PARP6: variants seen among roughly 807,000 people sequenced by gnomAD.
PARP6 encodes the protein protein mono-ADP-ribosyltransferase PARP6.
In PARP6, 27 loss-of-function variants were observed where a neutral mutation model predicts 92.0. The ratio of observed to expected loss-of-function variants is 0.29; its 90% CI spans 0.22 to 0.40. The LOEUF is 0.40. Among genes scored for constraint, PARP6 ranks in the 10% least tolerant of loss-of-function variants. PARP6 has a pLI of 1.00. For missense variants in PARP6, 501 were observed against 784.5 expected (o/e 0.64, Z 4.32); for synonymous variants, 272 against 281.2 (o/e 0.97, Z 0.33).
At chr15:72,268,259 A>G (rs770483937) in intron 2 of PARP6, among the ~76,000 whole-genome samples, 2 of 152,224 alleles carry the variant, frequency 1.3e-5, no homozygotes, top group Admixed American at 6.5e-5. Context: ...TCCTAAAGCC[A>G]AAAGTGATGG....
rs1242139313 is a variant in PARP6 at position 72,242,581 on chromosome 15, C to T, written c.1641+39G>A. On this transcript the variant is annotated intron_variant, in intron 21 of 23. Transcript: ENST00000569795. The surrounding 1 kb of genome is among the most constrained non-coding windows in gnomAD (Gnocchi z 4.3). ...TCCAGCTCTGGAGCCTAAATTAGCC[C>T]CAGGGAAAGGTCCTGCCTCATTAGA... 7.3e-7 allele frequency: 1 copy of T among 1,375,890 alleles called. No homozygotes were observed. Among genetic ancestry groups the T allele is most frequent in the Non-Finnish European group, 1.0e-6 (1 of 962,658 alleles). 85.2% of individuals were successfully genotyped at this position (1,375,890 alleles called of 1,614,324 possible). A position where few individuals can be genotyped will look rare whatever the true frequency, so the allele number is the denominator to read the frequency against.
rs1291550301 is a variant in PARP6, at chr15:72,241,292, G to C, written c.*163C>G. The C allele has an allele frequency of 1.4e-6, 1 of 700,280 alleles. No homozygotes were observed. Among genetic ancestry groups the C allele is most frequent in the Non-Finnish European group, 2.6e-6 (1 of 382,418 alleles). The allele number at this position is 700,280 out of a possible 1,614,324, so 43.4% of individuals were successfully genotyped here. A position where few individuals can be genotyped will look rare whatever the true frequency, so the allele number is the denominator to read the frequency against. ...GCCATCCGAATGTGGAGTAGTTCTTGGGTCAAGCTCTACCATGAAGGCCAC... is the reference window on the plus strand; with the variant it reads ...GCCATCCGAATGTGGAGTAGTTCTTCGGTCAAGCTCTACCATGAAGGCCAC... On this transcript the variant is annotated 3_prime_UTR_variant, in exon 24 of 24. Coordinates refer to ENST00000569795, the MANE Select transcript of PARP6 (RefSeq NM_001323532.2). This position sits in a 1 kb window ranked among gnomAD's most constrained non-coding sequence, Gnocchi z 4.1.
chr15:72,248,479 T>A lies in PARP6; in HGVS notation c.1561+766A>T, dbSNP rs563438059. 2.0e-5 allele frequency among the ~76,000 whole-genome samples: 3 copies of A among 152,244 alleles called. No individual in the cohort carries two copies. In the South Asian group the frequency reaches 6.2e-4, roughly 32 times the overall value. ...GCCTCAGCCTCCTGATGGCACTACA[T>A]TTTCTGATCTTTGTAACAGTTACAA... On this transcript the variant is annotated intron_variant, in intron 20 of 23. Coordinates refer to ENST00000569795, the MANE Select transcript of PARP6 (RefSeq NM_001323532.2).
chr15:72,255,283 C>T (rs939916226), intron 14 of PARP6, among the ~76,000 whole-genome samples: 12 of 152,242 alleles, frequency 7.9e-5, no homozygotes, highest in East Asian at 1.9e-4. Context: ...GGCAGAGTCT[C>T]GCTCTGTCAC....
chr15:72,241,698 T>G lies in PARP6; in HGVS notation c.1791-141A>C. The G allele has an allele frequency of 1.3e-6, 1 of 772,890 alleles. No homozygotes were observed. The highest frequency in any genetic ancestry group is 2.2e-6 in the Non-Finnish European group (1 of 461,692). 47.9% of individuals were successfully genotyped at this position (772,890 alleles called of 1,614,324 possible). ...CTCACTGCTTCATAGTGGAAGATAT[T>G]CAGCTTATCTGGTTTCCTCTAGATA... On this transcript the variant is annotated intron_variant, in intron 23 of 23. Coordinates refer to ENST00000569795, the MANE Select transcript of PARP6 (RefSeq NM_001323532.2). This position sits in a 1 kb window ranked among gnomAD's most constrained non-coding sequence, Gnocchi z 4.1.
chr15:72,268,387 C>T lies in PARP6; in HGVS notation c.-194-716G>A, dbSNP rs969315227. On this transcript the variant is annotated intron_variant, in intron 2 of 23. Transcript: ENST00000569795. ...GGACTCTTTATTCTTAGTTATTTCT[C>T]CATATTAGCCAGTATCTCTCTTTAA... Among the ~76,000 whole-genome samples, 2 of 152,230 alleles carry T rather than the reference C, an allele frequency of 1.3e-5. 1 individual carries two copies. The highest frequency in any genetic ancestry group is 4.8e-5 in the African/African-American group (2 of 41,456).
intron 16 of PARP6, among the ~76,000 whole-genome samples, chr15:72,252,627 A>G (rs565475007): frequency 7.9e-5 from 12 of 152,180 alleles, no homozygotes; most frequent in Admixed American, 7.9e-4. Context: ...CTGGGACTAC[A>G]GGCATGGGCC....
rs374375152 is a variant in PARP6 at position 72,265,907 on chromosome 15, C to A, written c.166G>T (p.Val56Leu). The A allele has an allele frequency of 4.3e-6, 7 of 1,611,662 alleles. No individual in the cohort carries two copies. In the African/African-American group the frequency reaches 9.3e-5, roughly 22 times the overall value. ...GAAGTAGAGTCCCACCTGATGGATA[C>A]AGAGTTCTCACTGTAGATCTCCTTC... ...AVKEIYSENS[V>L]SIREYGTIDD... The change falls in exon 5 of 24, where the codon GTA becomes TTA. Residue 56 changes from valine to leucine, a missense_variant. Coordinates refer to ENST00000569795, the MANE Select transcript of PARP6 (RefSeq NM_001323532.2).
chr15:72,267,263 T>C (rs773805259), intron 3 of PARP6: 49 of 609,878 alleles, frequency 8.0e-5, no homozygotes, highest in Non-Finnish European at 1.4e-4. Context: ...TCCTTTAAAG[T>C]ACTTAACTCT....
intron 6 of PARP6, 70 bp from the exon 7 acceptor site, chr15:72,265,241 G>T: frequency 8.9e-7 from 1 of 1,126,928 alleles, no homozygotes; most frequent in South Asian, 1.3e-5. Context: ...TCCCCTATAT[G>T]ACACACACAT....
chr15:72,265,548 G>T, intron 5 of PARP6, 75 bp from the exon 6 acceptor site: 1 of 1,159,640 alleles, frequency 8.6e-7, no homozygotes, highest in South Asian at 1.2e-5. Flanking sequence ...GTTGGAAAGA[G>T]AACTGAGCCT....
At chr15:72,249,655 C>G (rs1377565957) in intron 19 of PARP6, among the ~76,000 whole-genome samples, 1 of 152,250 alleles carries the variant, frequency 6.6e-6, no homozygotes, top group East Asian at 1.9e-4. Context: ...GGCCAATACA[C>G]ACTCCCTGGA....
In PARP6 at chr15:72,265,538, G is replaced by A. The variant is rs973147726; in HGVS notation, c.177-65C>T. The stretch of plus-strand genomic sequence containing the variant: ...GGAGAAAGAAGGGAATAGAAACTGA[G>A]TTGGAAAGAGAACTGAGCCTGGGGA... On this transcript the variant is annotated intron_variant, in intron 5 of 23. Coordinates refer to ENST00000569795, the MANE Select transcript of PARP6 (RefSeq NM_001323532.2). 5.5e-6 allele frequency: 7 copies of A among 1,263,828 alleles called. No homozygotes were observed. In the East Asian group the frequency reaches 1.4e-4, roughly 25 times the overall value. The allele number at this position is 1,263,828 out of a possible 1,614,324, so 78.3% of individuals were successfully genotyped here.
rs1194274061 is a variant in PARP6 at position 72,260,550 on chromosome 15, A to T, written c.684T>A (p.Pro228=). ...KNPKVEVFGY[P]PSPQAGLLCP... Reference sequence around the variant, plus strand: ...ACAGGAGACCTGCCTGGGGGCTGGGAGGGTAGCCAAACACTTCCACTTTGG... The same window carrying T: ...ACAGGAGACCTGCCTGGGGGCTGGGTGGGTAGCCAAACACTTCCACTTTGG... The change falls in exon 10 of 24, where the codon CCT becomes CCA. Residue 228 remains proline, a synonymous_variant. Transcript: ENST00000569795. 1 of 1,614,030 alleles carries T rather than the reference A, an allele frequency of 6.2e-7. No homozygotes were observed. Among genetic ancestry groups the T allele is most frequent in the Non-Finnish European group, 8.5e-7 (1 of 1,180,036 alleles).
rs781084805 is a variant in PARP6 at position 72,266,014 on chromosome 15, G to A, written c.82-23C>T. 2.1e-6 allele frequency: 3 copies of A among 1,421,418 alleles called. No homozygotes were observed. The East Asian group carries it at 6.8e-5, about 32-fold the overall frequency. 88.1% of individuals were successfully genotyped at this position (1,421,418 alleles called of 1,614,324 possible). On this transcript the variant is annotated intron_variant, in intron 4 of 23. Transcript: ENST00000569795. ...CCCCTGAGATAGCAGCAAAAATGGT[G>A]GTGGAGAGAGGTGGAAAAAGACGAG...
In PARP6 at chr15:72,254,597, G is replaced by A. The variant is rs1318029494; in HGVS notation, c.1126-77C>T. ...AGTAAGATGTGATGAAAAGGGGCTA[G>A]ATGTACCAAAAAAGTCTAGGCCCTA... On this transcript the variant is annotated intron_variant, in intron 14 of 23. Coordinates refer to ENST00000569795, the MANE Select transcript of PARP6 (RefSeq NM_001323532.2). 6.2e-6 allele frequency: 7 copies of A among 1,120,756 alleles called. No individual in the cohort carries two copies. The African/African-American group carries it at 1.1e-4, about 17-fold the overall frequency. 69.4% of individuals were successfully genotyped at this position (1,120,756 alleles called of 1,614,324 possible). A position where few individuals can be genotyped will look rare whatever the true frequency, so the allele number is the denominator to read the frequency against.
Position 72,271,167 on chromosome 15 carries a change from T to G in PARP6, c.-339A>C, listed in dbSNP as rs1216022641. On this transcript the variant is annotated 5_prime_UTR_variant, in exon 2 of 24. Transcript: ENST00000569795. ...ATGTCCAGCCTGGGTTGCCCTGGGG[T>G]GAGGGGTAGGATGACGGCAGCGTTA... is the stretch of plus-strand genomic sequence containing the variant. 6.6e-6 allele frequency: 1 copy of G among 151,826 alleles called. No individual in the cohort carries two copies. Among genetic ancestry groups the G allele is most frequent in the Non-Finnish European group, 1.5e-5 (1 of 67,978 alleles). 9.4% of individuals were successfully genotyped at this position (151,826 alleles called of 1,614,324 possible). A position where few individuals can be genotyped will look rare whatever the true frequency, so the allele number is the denominator to read the frequency against.
chr15:72,249,958 T>C, intron 19 of PARP6, 62 bp downstream of exon 19: 1 of 1,101,718 alleles, frequency 9.1e-7, no homozygotes, highest in Non-Finnish European at 1.4e-6. Flanking sequence ...AGAGCAGCCT[T>C]CCACAAAACT....
intron 6 of PARP6, 102 bp from the exon 7 acceptor site, chr15:72,265,273 T>C: frequency 9.7e-7 from 1 of 1,032,076 alleles, no homozygotes; most frequent in East Asian, 2.4e-5. Flanking sequence ...TACACACCAC[T>C]GTCTGCTGAT....
Sources: allele counts gnomAD v4.1 joint callset (sites outside exome capture counted in the v4.1 genomes callset), GRCh38; gene constraint gnomAD v4.1.1; non-coding constraint Gnocchi (gnomAD v3.1); transcripts MANE v1.5; gene names NCBI Gene and HGNC (gene_info 2026-07-23, HGNC 2026-07-21).